The following TBC1D4 variants were observed in gnomAD, a reference collection of about 807,000 sequenced individuals.
TBC1D4 encodes the protein TBC1 domain family member 4, also known as TBC (Tre-2, BUB2, CDC16) domain-containing protein.
A neutral mutation model predicts 142.5 loss-of-function variants in TBC1D4; 121 were observed. The ratio of observed to expected loss-of-function variants is 0.85; its 90% confidence interval spans 0.73 to 0.99. The LOEUF (loss-of-function observed/expected upper bound fraction) is 0.99. Ranked by LOEUF, TBC1D4 falls within the 50% of genes least tolerant of loss-of-function variation. The probability of loss-of-function intolerance (pLI) is 0.00; values close to 1 mark genes in which losing one functional copy is unlikely to be tolerated. For missense variants in TBC1D4, 1,475 were observed against 1,606.6 expected (o/e 0.92, Z 1.40); for synonymous variants, 630 against 628.2 (o/e 1.00, Z -0.04).
intron 11 of TBC1D4, among the ~76,000 whole-genome samples, chr13:75,321,039 CAA>C (rs760227205): frequency 2.4e-4 from 30 of 123,272 alleles, no homozygotes; most frequent in Admixed American, 3.3e-4. Flanking sequence ...GACTCCATCT[CAA>C]AAAAAAAAAA....
intron 1 of TBC1D4, among the ~76,000 whole-genome samples, chr13:75,373,318 A>G (rs1046647548): frequency 1.3e-5 from 2 of 152,196 alleles, no homozygotes; most frequent in African/African-American, 4.8e-5. Flanking sequence ...TTGAGCTTTT[A>G]TTCAAAGACT....
intron 13 of TBC1D4, 83 bp downstream of exon 13, chr13:75,312,655 T>G (rs1877890070): frequency 1.3e-6 from 2 of 1,559,532 alleles, no homozygotes; most frequent in South Asian, 1.1e-5. Context: ...ATCACTTAAA[T>G]CTCTTTATAC....
intron 13 of TBC1D4, among the ~76,000 whole-genome samples, chr13:75,310,767 C>T (rs1877668000): frequency 1.3e-5 from 2 of 152,130 alleles, no homozygotes; most frequent in Admixed American, 1.3e-4. Flanking sequence ...GAGCACAGTA[C>T]CTGAGAGGTA....
intron 3 of TBC1D4, among the ~76,000 whole-genome samples, chr13:75,359,339 A>T (rs181847430): frequency 6.6e-6 from 1 of 152,386 alleles, no homozygotes; most frequent in African/African-American, 2.4e-5. Context: ...TAGTATTTAC[A>T]TTAAAATAAG....
At chr13:75,289,203 A>G in intron 19 of TBC1D4, 93 bp from the exon 20 acceptor site, 6 of 1,459,182 alleles carry the variant, frequency 4.1e-6, no homozygotes, top group South Asian at 3.5e-5. Context: ...ATATTTCCAA[A>G]TACTTATTAA....
At chr13:75,475,655 A>T (rs1036991334) in intron 1 of TBC1D4, among the ~76,000 whole-genome samples, 7 of 152,242 alleles carry the variant, frequency 4.6e-5, no homozygotes, top group African/African-American at 1.7e-4. Context: ...TAGAAAATTC[A>T]TGGAAATCAT....
chr13:75,314,782 C>T (rs1297975472), intron 12 of TBC1D4, among the ~76,000 whole-genome samples: 1 of 141,590 alleles, frequency 7.1e-6, no homozygotes, highest in Non-Finnish European at 1.5e-5. Context: ...GCATGGCCAA[C>T]ATGGTGAAAC....
rs1874582787 is a variant in TBC1D4 at position 75,285,503 on chromosome 13, T to C, written c.*1289A>G. ...ACTGCAAATGTACTTTGAAAATTAC[T>C]TTCCTTGCCTATACCCAGCATGCGT... is the stretch of plus-strand genomic sequence containing the variant. On this transcript the variant is annotated 3_prime_UTR_variant, in exon 21 of 21. Transcript: ENST00000377636. 6.6e-6 allele frequency: 1 copy of C among 152,576 alleles called. No homozygotes were observed. The highest frequency in any genetic ancestry group is 2.4e-5 in the African/African-American group (1 of 41,442). The allele number at this position is 152,576 out of a possible 1,614,324, so 9.5% of individuals were successfully genotyped here.
chr13:75,419,721 G>A (rs1242237131), intron 1 of TBC1D4, among the ~76,000 whole-genome samples: 2 of 152,088 alleles, frequency 1.3e-5, no homozygotes, highest in African/African-American at 4.8e-5. Flanking sequence ...GTACATATGT[G>A]GAACTCACAA....
At chr13:75,326,840 G>A (rs1268474892) in intron 9 of TBC1D4, among the ~76,000 whole-genome samples, 5 of 152,156 alleles carry the variant, frequency 3.3e-5, no homozygotes, top group Admixed American at 2.0e-4. Flanking sequence ...CTGTGTTTCC[G>A]TATCTCCTGG....
intron 1 of TBC1D4, among the ~76,000 whole-genome samples, chr13:75,414,042 G>A (rs1258376132): frequency 6.6e-6 from 1 of 152,210 alleles, no homozygotes; most frequent in African/African-American, 2.4e-5. Flanking sequence ...GTGATGTACA[G>A]TGATCAAGCA....
At chr13:75,323,837 T>C (rs1241963363) in intron 11 of TBC1D4, among the ~76,000 whole-genome samples, 3 of 152,140 alleles carry the variant, frequency 2.0e-5, no homozygotes, top group Non-Finnish European at 4.4e-5. Context: ...AGTACAGTTA[T>C]GTCAATCAGT....
chr13:75,410,903 T>A (rs980363139), intron 1 of TBC1D4, among the ~76,000 whole-genome samples: 9 of 113,188 alleles, frequency 8.0e-5, no homozygotes, highest in Non-Finnish European at 1.5e-4. Context: ...GCCACTGCAC[T>A]CCAGCCTGGG....
chr13:75,426,885 C>A (rs1227062209), intron 1 of TBC1D4, among the ~76,000 whole-genome samples: 93 of 137,862 alleles, frequency 6.7e-4, no homozygotes, highest in African/African-American at 1.0e-3. Flanking sequence ...GGAAAAAATA[C>A]AAAAAAAAAA....
At chr13:75,322,245 T>A (rs1021121404) in intron 11 of TBC1D4, among the ~76,000 whole-genome samples, 4 of 152,232 alleles carry the variant, frequency 2.6e-5, no homozygotes, top group African/African-American at 9.6e-5. Context: ...ACAAGTACTC[T>A]CTGATTTTTA....
At chr13:75,391,070 ACACAAAC>A (rs1419156783) in intron 1 of TBC1D4, among the ~76,000 whole-genome samples, 2 of 126,634 alleles carry the variant, frequency 1.6e-5, no homozygotes, top group East Asian at 2.5e-4. Context: ...ACACACACAC[ACACAAAC>A]AACTTGTATA....
chr13:75,345,277 G>A (rs1881055024), intron 5 of TBC1D4, among the ~76,000 whole-genome samples: 2 of 152,166 alleles, frequency 1.3e-5, no homozygotes, highest in African/African-American at 4.8e-5. Flanking sequence ...ATAGTGCCTC[G>A]CACATGGAGA....
chr13:75,402,973 C>T (rs781747877), intron 1 of TBC1D4, among the ~76,000 whole-genome samples: 2 of 152,140 alleles, frequency 1.3e-5, no homozygotes, highest in East Asian at 1.9e-4. Flanking sequence ...CCATCAGGCC[C>T]GGGTTAATGA....
At chr13:75,454,429 T>C (rs1281724593) in intron 1 of TBC1D4, among the ~76,000 whole-genome samples, 2 of 152,170 alleles carry the variant, frequency 1.3e-5, no homozygotes. Context: ...AAAAGATTAA[T>C]ATAAATGTTA....
Sources: gnomAD v4.1 joint callset for allele counts (sites outside exome capture counted in the v4.1 genomes callset) on GRCh38, gnomAD v4.1.1 for gene constraint, MANE v1.5 for transcripts, NCBI Gene and HGNC (gene_info 2026-07-23, HGNC 2026-07-21) for gene names.